The following SEC63 variants were observed in gnomAD, a reference collection of about 807,000 sequenced individuals.
SEC63 encodes translocation protein SEC63 homolog.
A neutral mutation model predicts 116.2 loss-of-function variants in SEC63; 56 were observed. The ratio of observed to expected loss-of-function variants is 0.48; its 90% CI spans 0.39 to 0.60. The LOEUF (loss-of-function observed/expected upper bound fraction) is 0.60, where lower values mean the gene tolerates loss of function less well. SEC63 is among the 20% of genes least tolerant of loss of function. The pLI is 0.00. For missense variants in SEC63, 668 were observed against 900.0 expected, an observed-to-expected ratio of 0.74 and a Z score of 3.30; for synonymous variants, 273 against 294.6, an observed-to-expected ratio of 0.93 and a Z score of 0.75.
chr6:107,955,231 G>C (rs1434874280), intron 1 of SEC63, among the ~76,000 whole-genome samples: 1 of 152,052 alleles, frequency 6.6e-6, no homozygotes, highest in Non-Finnish European at 1.5e-5. Context: ...GCACGATCTC[G>C]GCTCATTGCA....
chr6:107,887,622 T>C (rs1312256061), intron 16 of SEC63, among the ~76,000 whole-genome samples: 1 of 151,354 alleles, frequency 6.6e-6, no homozygotes, highest in Non-Finnish European at 1.5e-5. Context: ...GGGGGAGGGA[T>C]AGCATTGGGA....
chr6:107,939,917 T>C (rs1770338545), intron 1 of SEC63, among the ~76,000 whole-genome samples: 1 of 152,154 alleles, frequency 6.6e-6, no homozygotes, highest in African/African-American at 2.4e-5. Context: ...CATCCAGTAA[T>C]CTTAATCATT....
rs1008481 is a variant in SEC63 at position 107,922,053 on chromosome 6, A to C, written c.340-144T>G. On this transcript the variant is annotated intron_variant, in intron 3 of 20. Coordinates refer to ENST00000369002, the MANE Select transcript of SEC63 (RefSeq NM_007214.5). ...AGACAAAATCCATTTTTCATCCTAT[A>C]TATTTTTCCCATAAATTTCATCCCA... 0.033 allele frequency: 19,973 copies of C among 607,954 alleles called. 2,732 individuals carry two copies. Among genetic ancestry groups the C allele is most frequent in the African/African-American group, 0.32 (16,848 of 52,514 alleles). The allele number at this position is 607,954 out of a possible 1,614,324, so 37.7% of individuals were successfully genotyped here.
At chr6:107,900,837 G>A (rs1318250523) in intron 13 of SEC63, among the ~76,000 whole-genome samples, 2 of 152,092 alleles carry the variant, frequency 1.3e-5, no homozygotes, top group Admixed American at 1.3e-4. Context: ...TTCAGATATT[G>A]AAATAGAAAC....
At chr6:107,913,498 C>A in intron 4 of SEC63, 71 bp from the exon 5 acceptor site, 1 of 1,026,664 alleles carries the variant, frequency 9.7e-7, no homozygotes, top group Non-Finnish European at 1.5e-6. Flanking sequence ...TATAGACAAA[C>A]TCCATTAGCC....
intron 7 of SEC63, among the ~76,000 whole-genome samples, chr6:107,910,108 A>G (rs1371088016): frequency 2.0e-5 from 3 of 152,182 alleles, no homozygotes; most frequent in Non-Finnish European, 4.4e-5. Context: ...CAACTTCCCA[A>G]TGATTCCTAA....
chr6:107,941,919 G>GT (rs1287395689), intron 1 of SEC63, among the ~76,000 whole-genome samples: 1 of 152,194 alleles, frequency 6.6e-6, no homozygotes, highest in Non-Finnish European at 1.5e-5. Context: ...TTTCTATGAT[G>GT]TATCAGTGTA....
At chr6:107,945,488 G>T (rs1373035785) in intron 1 of SEC63, among the ~76,000 whole-genome samples, 1 of 151,820 alleles carries the variant, frequency 6.6e-6, no homozygotes, top group Non-Finnish European at 1.5e-5. Flanking sequence ...TGTATTTTTA[G>T]TAGAGAGGGG....
At chr6:107,926,793 T>A (rs1787685478) in intron 2 of SEC63, among the ~76,000 whole-genome samples, 1 of 152,042 alleles carries the variant, frequency 6.6e-6, no homozygotes, top group East Asian at 2.0e-4. Flanking sequence ...TAGGATATGC[T>A]AAACCGTATG....
rs911424194 is a variant in SEC63, at chr6:107,897,633, C to G, written c.1440+16G>C. ...ACACAACTCTTAAAGCATAAAAATA[C>G]AGATAGACTACTTACAGCCATTGTT... is the stretch of plus-strand genomic sequence containing the variant. On this transcript the variant is annotated intron_variant, in intron 14 of 20. Coordinates refer to ENST00000369002, the MANE Select transcript of SEC63 (RefSeq NM_007214.5). The G allele has an allele frequency of 1.3e-5, 20 of 1,492,326 alleles. No individual in the cohort carries two copies. The highest frequency in any genetic ancestry group is 1.8e-5 in the Non-Finnish European group (19 of 1,069,416). The allele number at this position is 1,492,326 out of a possible 1,614,324, so 92.4% of individuals were successfully genotyped here.
chr6:107,871,984 TCA>T (rs1786145682), intron 20 of SEC63, 137 bp from the exon 21 acceptor site: 1 of 822,630 alleles, frequency 1.2e-6, no homozygotes, highest in Non-Finnish European at 2.0e-6. Context: ...TAAATTCAAC[TCA>T]TTCATTTAGA....
intron 5 of SEC63, among the ~76,000 whole-genome samples, 173 bp downstream of exon 5, chr6:107,913,193 A>C (rs1231533917): frequency 6.6e-6 from 1 of 152,182 alleles, no homozygotes; most frequent in African/African-American, 2.4e-5. Flanking sequence ...TATCTTTCAA[A>C]CTAGTCTTTA....
intron 14 of SEC63, among the ~76,000 whole-genome samples, chr6:107,895,723 T>C (rs577431689): frequency 1.3e-4 from 19 of 151,850 alleles, no homozygotes; most frequent in South Asian, 2.1e-4. Flanking sequence ...GGAGAAAATA[T>C]AAATAATAGA....
chr6:107,924,750 G>T, intron 3 of SEC63, 68 bp downstream of exon 3: 2 of 790,210 alleles, frequency 2.5e-6, no homozygotes, highest in Admixed American at 1.8e-5. Context: ...ATTTCTTTTA[G>T]AATGAGGACC....
In SEC63 at chr6:107,901,073, G is replaced by A. The variant is rs893087881; in HGVS notation, c.1357+297C>T. ...ATATCTCATTCTTTTATTATGCCTG[G>A]AAGTCTTCATCATTCTTTGGAAAGT... On this transcript the variant is annotated intron_variant, in intron 13 of 20. Coordinates refer to ENST00000369002, the MANE Select transcript of SEC63 (RefSeq NM_007214.5). Among the ~76,000 whole-genome samples, 7 of 152,162 alleles carry A rather than the reference G, an allele frequency of 4.6e-5. No homozygotes were observed. In the South Asian group the frequency reaches 8.3e-4, roughly 18 times the overall value.
chr6:107,916,931 T>C (rs1787419140), intron 4 of SEC63, among the ~76,000 whole-genome samples: 1 of 152,206 alleles, frequency 6.6e-6, no homozygotes, highest in African/African-American at 2.4e-5. Flanking sequence ...ATGGCCTCTG[T>C]TGGGAGCAAG....
chr6:107,881,083 C>A lies in SEC63; in HGVS notation c.1935+66G>T. On this transcript the variant is annotated intron_variant, in intron 18 of 20. Transcript: ENST00000369002. ...ATACACACGACAGAGGGCTAAAAGT[C>A]AACTGACAAATCCCTGAGGAGAAAG... 1.0e-5 allele frequency: 12 copies of A among 1,180,838 alleles called. No individual in the cohort carries two copies. The South Asian group carries it at 1.5e-4, about 14-fold the overall frequency. 73.1% of individuals were successfully genotyped at this position (1,180,838 alleles called of 1,614,324 possible).
chr6:107,886,498 C>T (rs1367951657), intron 16 of SEC63, among the ~76,000 whole-genome samples: 1 of 152,210 alleles, frequency 6.6e-6, no homozygotes, highest in Non-Finnish European at 1.5e-5. Context: ...TTCTATTTCT[C>T]CACATCCTCT....
chr6:107,940,671 G>C (rs1770356362), intron 1 of SEC63, among the ~76,000 whole-genome samples: 1 of 151,616 alleles, frequency 6.6e-6, no homozygotes, highest in Admixed American at 6.6e-5. Context: ...TACATGAAAA[G>C]CAAGTTAAAC....
Sources: gnomAD v4.1 joint callset for allele counts (sites outside exome capture counted in the v4.1 genomes callset) on GRCh38, gnomAD v4.1.1 for gene constraint, MANE v1.5 for transcripts, NCBI Gene and HGNC (gene_info 2026-07-23, HGNC 2026-07-21) for gene names.